XPR1: variants seen among roughly 807,000 people sequenced by gnomAD.
XPR1 encodes solute carrier family 53 member 1.
XPR1 carries 28 observed loss-of-function variants against 87.5 expected under a neutral mutation model. That is an observed-to-expected ratio of 0.32 (90% CI 0.24 to 0.44). The LOEUF is 0.44. XPR1 is among the 20% of genes least tolerant of loss of function. The pLI, the probability that XPR1 is intolerant of heterozygous loss-of-function variation, is 1.00. For synonymous variants in XPR1, 300 were observed against 306.1 expected, an observed-to-expected ratio of 0.98 and a Z score of 0.21; for missense variants, 559 against 862.3, an observed-to-expected ratio of 0.65 and a Z score of 4.41.
At chr1:180,773,600 G>C (rs1571824256) in intron 2 of XPR1, among the ~76,000 whole-genome samples, 1 of 152,058 alleles carries the variant, frequency 6.6e-6, no homozygotes, top group East Asian at 1.9e-4. Flanking sequence ...CAAAGGTTTT[G>C]ACATAACATT....
intron 11 of XPR1, among the ~76,000 whole-genome samples, chr1:180,842,762 C>T (rs1433998646): frequency 6.6e-6 from 1 of 152,144 alleles, no homozygotes; most frequent in African/African-American, 2.4e-5. Context: ...TGAGGGAAAG[C>T]ATTTCATTAG....
intron 2 of XPR1, among the ~76,000 whole-genome samples, chr1:180,738,624 G>C (rs1034668709): frequency 6.6e-6 from 1 of 151,952 alleles, no homozygotes; most frequent in Non-Finnish European, 1.5e-5. Flanking sequence ...TCATCACTAT[G>C]GTTTTAATTT....
intron 2 of XPR1, among the ~76,000 whole-genome samples, chr1:180,682,928 G>A (rs1447734500): frequency 6.6e-6 from 1 of 151,542 alleles, no homozygotes; most frequent in Non-Finnish European, 1.5e-5. Context: ...TATTCTTGAG[G>A]GAGAATGTTC....
At chr1:180,659,357 T>TTCCG (rs1260382246) in intron 1 of XPR1, among the ~76,000 whole-genome samples, 24 of 132,718 alleles carry the variant, frequency 1.8e-4, no homozygotes, top group South Asian at 2.7e-4. Context: ...CCTTCCGTCC[T>TTCCG]TCCGTCCTTC....
chr1:180,654,579 C>G (rs975702528), intron 1 of XPR1, among the ~76,000 whole-genome samples: 2 of 152,070 alleles, frequency 1.3e-5, no homozygotes, highest in African/African-American at 4.8e-5. Context: ...TTTAGTCCTC[C>G]CTCTAGTTCC....
At chr1:180,701,766 C>T (rs548068973) in intron 2 of XPR1, among the ~76,000 whole-genome samples, 34 of 139,396 alleles carry the variant, frequency 2.4e-4, no homozygotes, top group Admixed American at 3.5e-4. Context: ...CTTTTTCTAT[C>T]GATTGGAATA....
intron 2 of XPR1, among the ~76,000 whole-genome samples, chr1:180,740,946 A>G (rs1658897197): frequency 6.6e-6 from 1 of 152,188 alleles, no homozygotes; most frequent in Non-Finnish European, 1.5e-5. Context: ...AAAGGCATTA[A>G]TCTTGATCAA....
intron 11 of XPR1, among the ~76,000 whole-genome samples, chr1:180,861,842 C>T (rs1005542637): frequency 3.9e-5 from 6 of 151,996 alleles, no homozygotes; most frequent in African/African-American, 1.4e-4. Flanking sequence ...AATACTTCCA[C>T]TATAGCCAAT....
intron 2 of XPR1, among the ~76,000 whole-genome samples, chr1:180,758,564 C>T (rs894503424): frequency 1.3e-5 from 2 of 151,930 alleles, no homozygotes; most frequent in Non-Finnish European, 1.5e-5. Context: ...AAAAATTAGC[C>T]AGGCATGGTG....
chr1:180,805,613 A>G (rs1306518414), intron 4 of XPR1, among the ~76,000 whole-genome samples: 3 of 147,254 alleles, frequency 2.0e-5, no homozygotes, highest in Admixed American at 6.6e-5. Context: ...GGGGAGATAC[A>G]TACTCCTGTA....
At chr1:180,860,085 A>G (rs1652167428) in intron 11 of XPR1, among the ~76,000 whole-genome samples, 1 of 152,118 alleles carries the variant, frequency 6.6e-6, no homozygotes, top group African/African-American at 2.4e-5. Context: ...AAAGATACAC[A>G]TATGACAATT....
At chr1:180,698,228 G>C (rs1014346414) in intron 2 of XPR1, among the ~76,000 whole-genome samples, 1 of 151,978 alleles carries the variant, frequency 6.6e-6, no homozygotes, top group Admixed American at 6.6e-5. Flanking sequence ...CTTAAAGTTT[G>C]TTTTATCTGA....
At chr1:180,742,178 A>C (rs12089155) in intron 2 of XPR1, among the ~76,000 whole-genome samples, 6,493 of 151,418 alleles carry the variant, frequency 0.043, 490 homozygotes, top group African/African-American at 0.15. Flanking sequence ...ATTATTTCTA[A>C]TATTTGCTTT....
intron 1 of XPR1, among the ~76,000 whole-genome samples, chr1:180,647,451 GT>G (rs1458105618): frequency 1.4e-4 from 22 of 152,336 alleles, no homozygotes; most frequent in African/African-American, 5.3e-4. Context: ...GTGGTCTGTT[GT>G]TGACCAAAAC....
chr1:180,839,535 G>A (rs1651432247), intron 11 of XPR1, among the ~76,000 whole-genome samples: 1 of 152,154 alleles, frequency 6.6e-6, no homozygotes, highest in Non-Finnish European at 1.5e-5. Context: ...ACACTCATCT[G>A]AGCTATGGAA....
intron 11 of XPR1, among the ~76,000 whole-genome samples, chr1:180,856,382 T>A (rs1179658861): frequency 6.6e-6 from 1 of 152,114 alleles, no homozygotes; most frequent in African/African-American, 2.4e-5. Context: ...GGAAGACTTA[T>A]CTCTCATTGT....
Position 180,635,430 on chromosome 1 carries a change from A to T in XPR1, c.69+3160A>T, listed in dbSNP as rs563579910. Among the ~76,000 whole-genome samples the T allele has an allele frequency of 2.6e-5, 4 of 152,302 alleles. No individual in the cohort carries two copies. The East Asian group carries it at 7.7e-4, about 29-fold the overall frequency. On this transcript the variant is annotated intron_variant, in intron 1 of 14. Transcript: ENST00000367590. ...TTCAACCAAATAGACTAATATGACC[A>T]TGTTAATATTTTGCAGAATATTAGC... is the stretch of plus-strand genomic sequence containing the variant.
At chr1:180,749,870 A>T (rs949006532) in intron 2 of XPR1, among the ~76,000 whole-genome samples, 2 of 152,198 alleles carry the variant, frequency 1.3e-5, no homozygotes, top group Non-Finnish European at 2.9e-5. Context: ...ATGCTTTAAT[A>T]TTATCACTTT....
chr1:180,846,172 G>C lies in XPR1; in HGVS notation c.1501+9456G>C, dbSNP rs1217452593. On this transcript the variant is annotated intron_variant, in intron 11 of 14. Transcript: ENST00000367590. ...AGCTACTCGGGAGGCCAAGGCAGGA[G>C]AATCGCTTGAACCCAGGAGGCGGAG... is the stretch of plus-strand genomic sequence containing the variant. 1.1e-4 allele frequency among the ~76,000 whole-genome samples: 17 copies of C among 150,402 alleles called. No individual in the cohort carries two copies. The Admixed American group carries it at 1.1e-3, about 10-fold the overall frequency.
Sources: allele counts gnomAD v4.1 joint callset (sites outside exome capture counted in the v4.1 genomes callset), GRCh38; gene constraint gnomAD v4.1.1; transcripts MANE v1.5; gene names NCBI Gene and HGNC (gene_info 2026-07-23, HGNC 2026-07-21).